The following SBF2 variants were observed in gnomAD, a reference collection of about 807,000 sequenced individuals.
SBF2 encodes myotubularin-related protein 13.
Under a neutral mutation model 225.2 loss-of-function variants are expected in SBF2, and 112 were observed. The ratio of observed to expected loss-of-function variants is 0.50; its 90% CI spans 0.43 to 0.58. SBF2 has a LOEUF of 0.58. Among genes scored for constraint, SBF2 ranks in the 20% least tolerant of loss-of-function variants. The pLI is 0.00. For synonymous variants in SBF2, 763 were observed against 773.3 expected (o/e 0.99, Z 0.22); for missense variants, 1,996 against 2,206.2 (o/e 0.90, Z 1.91).
At chr11:10,103,378 T>C (rs1040591743) in intron 2 of SBF2, among the ~76,000 whole-genome samples, 8 of 152,194 alleles carry the variant, frequency 5.3e-5, no homozygotes, top group Non-Finnish European at 1.2e-4. Flanking sequence ...AAATATGAAA[T>C]GGTGTTTGGC....
chr11:9,882,534 C>T (rs570769004), intron 17 of SBF2, among the ~76,000 whole-genome samples: 3 of 152,110 alleles, frequency 2.0e-5, no homozygotes, highest in East Asian at 3.9e-4. Flanking sequence ...CTCGGCCGGG[C>T]ATGGTGGCTC....
At chr11:10,098,032 A>G (rs948305205) in intron 2 of SBF2, among the ~76,000 whole-genome samples, 1 of 151,764 alleles carries the variant, frequency 6.6e-6, no homozygotes, top group South Asian at 2.1e-4. Flanking sequence ...TGCCTCCCAC[A>G]CTCCACCAAG....
At chr11:9,926,400 A>G (rs1224440445) in intron 16 of SBF2, among the ~76,000 whole-genome samples, 2 of 152,090 alleles carry the variant, frequency 1.3e-5, no homozygotes, top group Admixed American at 6.6e-5. Context: ...AAGCAAAAGG[A>G]TGGCCCCTAC....
intron 17 of SBF2, among the ~76,000 whole-genome samples, chr11:9,886,900 A>G (rs950815173): frequency 6.6e-6 from 1 of 152,018 alleles, no homozygotes; most frequent in African/African-American, 2.4e-5. Context: ...CACATGCTAT[A>G]ATTTGTTTGA....
intron 38 of SBF2, 40 bp from the exon 39 acceptor site, chr11:9,781,678 AAG>A (rs754842989): frequency 6.2e-7 from 1 of 1,613,360 alleles, no homozygotes; most frequent in African/African-American, 1.3e-5. Flanking sequence ...AAGAGACAGA[AAG>A]AGAAAATGCC....
intron 1 of SBF2, among the ~76,000 whole-genome samples, chr11:10,281,546 A>C (rs1417591010): frequency 6.6e-6 from 1 of 152,112 alleles, no homozygotes; most frequent in Non-Finnish European, 1.5e-5. Context: ...CATGGAGGAG[A>C]ACCAAATGTC....
chr11:9,794,715 C>A (rs1853006121), intron 33 of SBF2, among the ~76,000 whole-genome samples: 1 of 81,738 alleles, frequency 1.2e-5, no homozygotes. Context: ...AAAGACCAGG[C>A]CTGGGGCAGT....
chr11:10,188,902 A>C (rs1957053046), intron 2 of SBF2, among the ~76,000 whole-genome samples: 1 of 152,222 alleles, frequency 6.6e-6, no homozygotes, highest in Non-Finnish European at 1.5e-5. Flanking sequence ...AGTTCTTAGT[A>C]TGTTTTAAAA....
At chr11:10,003,691 C>T (rs1948071995) in intron 6 of SBF2, among the ~76,000 whole-genome samples, 2 of 151,876 alleles carry the variant, frequency 1.3e-5, no homozygotes, top group African/African-American at 4.8e-5. Context: ...TCTATCTTCT[C>T]TTTTTTCCTT....
chr11:10,189,875 G>A (rs1000748548), intron 2 of SBF2, among the ~76,000 whole-genome samples: 1 of 152,002 alleles, frequency 6.6e-6, no homozygotes. Context: ...AGGTCGGCTG[G>A]GTGTGGTGGC....
intron 27 of SBF2, among the ~76,000 whole-genome samples, chr11:9,831,699 G>C (rs1213248866): frequency 6.6e-6 from 1 of 152,200 alleles, no homozygotes; most frequent in South Asian, 2.1e-4. Context: ...TGGGACAGCT[G>C]TACTTATTAT....
chr11:9,968,178 G>T (rs967873551), intron 14 of SBF2, among the ~76,000 whole-genome samples, 163 bp downstream of exon 14: 1 of 151,762 alleles, frequency 6.6e-6, no homozygotes, highest in African/African-American at 2.4e-5. Context: ...TACCCTTTTT[G>T]GGAGGCAGTG....
At chr11:9,786,112 C>T (rs965854994) in intron 36 of SBF2, among the ~76,000 whole-genome samples, 2 of 152,130 alleles carry the variant, frequency 1.3e-5, no homozygotes, top group Non-Finnish European at 2.9e-5. Context: ...ATGCCTGCCT[C>T]GGCCTCCCAA....
At chr11:10,065,469 G>A (rs1950593907) in intron 2 of SBF2, among the ~76,000 whole-genome samples, 1 of 151,848 alleles carries the variant, frequency 6.6e-6, no homozygotes, top group African/African-American at 2.4e-5. Flanking sequence ...TAAAGCAAAA[G>A]TTTGTTCTTT....
At chr11:10,196,697 T>C (rs1957365857) in intron 1 of SBF2, among the ~76,000 whole-genome samples, 1 of 151,716 alleles carries the variant, frequency 6.6e-6, no homozygotes, top group Non-Finnish European at 1.5e-5. Flanking sequence ...TATCTTTTAC[T>C]AATTATAAAA....
chr11:10,172,829 G>T (rs1299839507), intron 2 of SBF2, among the ~76,000 whole-genome samples: 4 of 152,120 alleles, frequency 2.6e-5, no homozygotes. Context: ...ATCATGCTTG[G>T]CTAATTTTTA....
chr11:10,196,866 A>ATATATATATATATATATATATATATATTT, intron 1 of SBF2, among the ~76,000 whole-genome samples: 2 of 99,308 alleles, frequency 2.0e-5, no homozygotes, highest in Non-Finnish European at 2.0e-5. Flanking sequence ...ATATATATAT[A>ATATATATATATATATATATATATATATTT]TTTTTTTTTT....
chr11:10,009,443 T>C (rs1948346300), intron 6 of SBF2, among the ~76,000 whole-genome samples: 1 of 152,056 alleles, frequency 6.6e-6, no homozygotes, highest in Non-Finnish European at 1.5e-5. Flanking sequence ...TGGTGTGTGA[T>C]GTTCCCCTCC....
rs138657622 is a variant in SBF2 at position 10,084,908 on chromosome 11, T to C, written c.142-41927A>G. Among the ~76,000 whole-genome samples the C allele has an allele frequency of 2.8e-3, 420 of 152,236 alleles. 3 individuals carry two copies. Among genetic ancestry groups the C allele is most frequent in the African/African-American group, 9.5e-3 (396 of 41,550 alleles). Reference sequence around the variant, plus strand: ...TCACATGGATGAGAGAGTGGAATTATATATATAGTGGAGACTCAGACAGGT... The same window carrying C: ...TCACATGGATGAGAGAGTGGAATTACATATATAGTGGAGACTCAGACAGGT... On this transcript the variant is annotated intron_variant, in intron 2 of 39. Transcript: ENST00000256190.
Sources: allele counts gnomAD v4.1 joint callset (sites outside exome capture counted in the v4.1 genomes callset), GRCh38; gene constraint gnomAD v4.1.1; transcripts MANE v1.5; gene names NCBI Gene and HGNC (gene_info 2026-07-23, HGNC 2026-07-21).